The following PLB1 variants were observed in gnomAD, a reference collection of about 807,000 sequenced individuals.
PLB1 encodes phospholipase B1, membrane-associated.
In PLB1, 242 loss-of-function variants were observed where a neutral mutation model predicts 227.4. The ratio of observed to expected loss-of-function variants is 1.06; its 90% CI spans 0.96 to 1.18. The LOEUF (loss-of-function observed/expected upper bound fraction) is 1.18, where lower values mean the gene tolerates loss of function less well. Among genes scored for constraint, PLB1 ranks in the 50% most tolerant of loss-of-function variants. PLB1 has a pLI of 0.00. For missense variants in PLB1, 1,858 were observed against 1,816.3 expected, an observed-to-expected ratio of 1.02 and a Z score of -0.42; for synonymous variants, 757 against 682.2, an observed-to-expected ratio of 1.11 and a Z score of -1.71.
Position 28,573,284 on chromosome 2 carries a change from C to T in PLB1, c.1412C>T (p.Ala471Val). 6.2e-7 allele frequency: 1 copy of T among 1,613,838 alleles called. No homozygotes were observed. The highest frequency in any genetic ancestry group is 8.5e-7 in the Non-Finnish European group (1 of 1,179,896). The change falls in exon 21 of 58, where the codon GCT becomes GTT. Residue 471 changes from alanine (A) to valine (V), a missense_variant. Coordinates refer to ENST00000327757, the MANE Select transcript of PLB1 (RefSeq NM_153021.5). The part of the protein sequence containing the change: ...ETSPNAFLNQ[A>V]VAGGRAEDLP... ...AGTCCTAATGCCTTCTTAAACCAGG[C>T]TGTGGCAGGAGGCCGAGCTGAGTAA...
At chr2:28,515,219 T>TCCACTCCC (rs951207538) in intron 1 of PLB1, among the ~76,000 whole-genome samples, 4 of 152,168 alleles carry the variant, frequency 2.6e-5, no homozygotes, top group Admixed American at 2.6e-4. Flanking sequence ...ACTCCTCTAT[T>TCCACTCCC]CCACTCCCCC....
intron 9 of PLB1, among the ~76,000 whole-genome samples, chr2:28,535,647 A>C (rs1436259483): frequency 6.6e-6 from 1 of 152,182 alleles, no homozygotes; most frequent in Non-Finnish European, 1.5e-5. Flanking sequence ...ATGGCCGGGC[A>C]TGGTGGCTCA....
intron 1 of PLB1, among the ~76,000 whole-genome samples, chr2:28,506,463 G>T (rs948360944): frequency 7.9e-5 from 12 of 152,158 alleles, no homozygotes; most frequent in African/African-American, 2.9e-4. Flanking sequence ...TTGGTGTAGG[G>T]CAAAATGAGG....
At chr2:28,591,004 A>C in intron 29 of PLB1, 129 bp from the exon 30 acceptor site, 1 of 1,129,780 alleles carries the variant, frequency 8.9e-7, no homozygotes, top group East Asian at 2.4e-5. Context: ...TCAGCCTGGT[A>C]GAGGCTGGGC....
intron 57 of PLB1, 107 bp from the exon 58 acceptor site, chr2:28,642,751 G>C: frequency 3.1e-6 from 3 of 982,504 alleles, no homozygotes; most frequent in Admixed American, 5.0e-5. Flanking sequence ...CTGTGAAAAC[G>C]TGCAGGGTTA....
intron 35 of PLB1, among the ~76,000 whole-genome samples, chr2:28,599,898 G>A (rs1265922997): frequency 6.6e-6 from 1 of 152,088 alleles, no homozygotes; most frequent in African/African-American, 2.4e-5. Context: ...ACAGGCATGA[G>A]CCACTGCACC....
chr2:28,640,808 G>T (rs920720891), intron 56 of PLB1, 119 bp from the exon 57 acceptor site: 10 of 1,044,318 alleles, frequency 9.6e-6, no homozygotes, highest in South Asian at 7.6e-5. Context: ...CAGCCACTTC[G>T]CTGGTTTCTA....
intron 44 of PLB1, among the ~76,000 whole-genome samples, chr2:28,616,645 A>G (rs1686240905): frequency 1.3e-5 from 2 of 152,210 alleles, no homozygotes; most frequent in Admixed American, 1.3e-4. Context: ...TCATGTGCTG[A>G]TGGCTGAATA....
intron 17 of PLB1, among the ~76,000 whole-genome samples, chr2:28,560,627 G>A (rs1427537083): frequency 1.3e-5 from 2 of 152,170 alleles, no homozygotes; most frequent in Non-Finnish European, 2.9e-5. Flanking sequence ...GTGACAGAGT[G>A]AGACCTTGTC....
In PLB1 at chr2:28,626,516, C is replaced by G. The variant is rs755943538; in HGVS notation, c.3660+8C>G. On this transcript the variant is annotated splice_region_variant and intron_variant, in intron 51 of 57. Coordinates refer to ENST00000327757, the MANE Select transcript of PLB1 (RefSeq NM_153021.5). ...CATTACTGTGAGAATCCGGTAGGCC[C>G]CCGACCAACCCCATGGGGACCTGAG... 6.2e-7 allele frequency: 1 copy of G among 1,612,156 alleles called. No homozygotes were observed. Among genetic ancestry groups the G allele is most frequent in the Non-Finnish European group, 8.5e-7 (1 of 1,178,194 alleles).
intron 39 of PLB1, among the ~76,000 whole-genome samples, chr2:28,603,234 A>T (rs35747858): frequency 0.071 from 10,743 of 152,286 alleles, 534 homozygotes; most frequent in Non-Finnish European, 0.11. Context: ...TGGTTAGGGA[A>T]GTAGACATAT....
At chr2:28,578,592 G>A (rs1255369103) in intron 22 of PLB1, among the ~76,000 whole-genome samples, 2 of 152,118 alleles carry the variant, frequency 1.3e-5, no homozygotes, top group African/African-American at 4.8e-5. Flanking sequence ...CATGGCCTAC[G>A]GGAGAGCCCT....
chr2:28,576,587 G>T (rs191192259), intron 21 of PLB1, among the ~76,000 whole-genome samples: 27 of 152,244 alleles, frequency 1.8e-4, no homozygotes, highest in South Asian at 4.2e-4. Flanking sequence ...ACAATTAGCC[G>T]GGTGTGGTGG....
At chr2:28,639,252 G>C (rs763902758) in intron 56 of PLB1, among the ~76,000 whole-genome samples, 1 of 151,950 alleles carries the variant, frequency 6.6e-6, no homozygotes, top group African/African-American at 2.4e-5. Context: ...TGTCCAGAGA[G>C]CTAAGAGAAG....
intron 1 of PLB1, among the ~76,000 whole-genome samples, chr2:28,497,638 T>A (rs958780943): frequency 6.6e-6 from 1 of 152,234 alleles, no homozygotes; most frequent in African/African-American, 2.4e-5. Flanking sequence ...TGCAGTTTGG[T>A]TCTCTGGCCT....
chr2:28,604,130 A>C lies in PLB1; in HGVS notation c.2856+83A>C, dbSNP rs554970393. 32 of 1,332,946 alleles carry C rather than the reference A, an allele frequency of 2.4e-5. 1 individual carries two copies. In the South Asian group the frequency reaches 3.5e-4, roughly 14 times the overall value. 82.6% of individuals were successfully genotyped at this position (1,332,946 alleles called of 1,614,324 possible). A position where few individuals can be genotyped will look rare whatever the true frequency, so the allele number is the denominator to read the frequency against. ...AGCCCAGAGCCCCTAGAGGAGGCAC[A>C]CAGGGAAGGAAAAGCTGGTCAGGGA... On this transcript the variant is annotated intron_variant, in intron 40 of 57. Transcript: ENST00000327757.
At chr2:28,618,428 G>T in intron 46 of PLB1, 29 bp downstream of exon 46, 1 of 1,607,986 alleles carries the variant, frequency 6.2e-7, no homozygotes. Flanking sequence ...ACCAGGATGG[G>T]CAGCTCAGAG....
chr2:28,612,086 C>A (rs1355456152), intron 43 of PLB1, among the ~76,000 whole-genome samples: 3 of 152,174 alleles, frequency 2.0e-5, no homozygotes, highest in Non-Finnish European at 4.4e-5. Context: ...GCAGAGTTTG[C>A]AGTGAGCCGA....
At chr2:28,574,384 CTTTTT>C (rs70956023) in intron 21 of PLB1, among the ~76,000 whole-genome samples, 1 of 73,966 alleles carries the variant, frequency 1.4e-5, no homozygotes, top group Non-Finnish European at 2.4e-5. Flanking sequence ...TTATATCATT[CTTTTT>C]TTTTTTTTTT....
Sources: allele counts gnomAD v4.1 joint callset (sites outside exome capture counted in the v4.1 genomes callset), GRCh38; gene constraint gnomAD v4.1.1; transcripts MANE v1.5; gene names NCBI Gene and HGNC (gene_info 2026-07-23, HGNC 2026-07-21).